Variants in DOCK3 observed in about 807,000 individuals in gnomAD.
DOCK3 encodes the protein dedicator of cytokinesis protein 3.
DOCK3 carries 60 observed loss-of-function variants against 265.6 expected under a neutral mutation model. The observed-to-expected ratio is 0.23, with a 90% CI of 0.18 to 0.28. DOCK3 has a LOEUF of 0.28. DOCK3 is among the 10% of genes least tolerant of loss of function. DOCK3 has a pLI of 1.00. For synonymous variants in DOCK3, 881 were observed against 938.0 expected, an observed-to-expected ratio of 0.94 and a Z score of 1.11; for missense variants, 1,981 against 2,594.3, an observed-to-expected ratio of 0.76 and a Z score of 5.14.
In DOCK3 at chr3:51,185,008, A is replaced by G. The variant is rs112915355; in HGVS notation, c.1038-23766A>G. ...ATCCCACCTGAAAACTCTACAAAAT[A>G]CCTGATTATTACTTCTCAAAACTGT... On this transcript the variant is annotated intron_variant, in intron 12 of 52. Transcript: ENST00000266037. Among the ~76,000 whole-genome samples the G allele has an allele frequency of 5.3e-5, 8 of 152,232 alleles. 2 individuals are homozygous for G. Among genetic ancestry groups the G allele is most frequent in the African/African-American group, 1.7e-4 (7 of 41,556 alleles).
At position 50,675,328 on chromosome 3, in the gene DOCK3, C is replaced by A; in HGVS notation, c.37+28C>A. ...AGGTGAGGCTCAGGCCTGGCCGTGG[C>A]GGGGGTTCTGGGGGACGCGCCCAGC... On this transcript the variant is annotated intron_variant, in intron 1 of 52. Coordinates refer to ENST00000266037, the MANE Select transcript of DOCK3 (RefSeq NM_004947.5). This position sits in a 1 kb window ranked among gnomAD's most constrained non-coding sequence, Gnocchi z 6.1. 1.6e-6 allele frequency: 2 copies of A among 1,236,974 alleles called. No homozygotes were observed. The highest frequency in any genetic ancestry group is 3.9e-5 in the Admixed American group (1 of 25,826). 76.6% of individuals were successfully genotyped at this position (1,236,974 alleles called of 1,614,324 possible).
chr3:51,214,100 G>A, intron 13 of DOCK3, 22 bp from the exon 14 acceptor site: 1 of 1,613,402 alleles, frequency 6.2e-7, no homozygotes, highest in Non-Finnish European at 8.5e-7. Context: ...GTGGTTCTAA[G>A]AAAATGCTTT....
intron 7 of DOCK3, among the ~76,000 whole-genome samples, chr3:51,082,649 C>T (rs1440643918): frequency 6.6e-6 from 1 of 152,172 alleles, no homozygotes; most frequent in Non-Finnish European, 1.5e-5. Flanking sequence ...TGTCCCGGGA[C>T]CTGAGGACCA....
chr3:50,905,356 A>G (rs2049429377), intron 4 of DOCK3, among the ~76,000 whole-genome samples: 2 of 152,034 alleles, frequency 1.3e-5, no homozygotes, highest in African/African-American at 4.8e-5. Context: ...CTTGGGCAGT[A>G]TGGCCATTTT....
At chr3:50,752,601 ACT>A (rs2039903086) in intron 1 of DOCK3, among the ~76,000 whole-genome samples, 1 of 151,252 alleles carries the variant, frequency 6.6e-6, no homozygotes, top group African/African-American at 2.4e-5. Context: ...ATATAGTGAA[ACT>A]CTGTCTCTAA....
At chr3:51,040,097 A>G (rs1482947531) in intron 5 of DOCK3, among the ~76,000 whole-genome samples, 1 of 151,480 alleles carries the variant, frequency 6.6e-6, no homozygotes, top group Non-Finnish European at 1.5e-5. Context: ...TCTCTATACC[A>G]CCTACTAATC....
chr3:51,092,440 G>T (rs903158058), intron 9 of DOCK3, among the ~76,000 whole-genome samples: 2 of 152,216 alleles, frequency 1.3e-5, no homozygotes, highest in Non-Finnish European at 2.9e-5. Context: ...GCTCAGTAAG[G>T]CTGCTGTGGC....
chr3:51,353,912 A>G (rs1576910933), intron 40 of DOCK3, among the ~76,000 whole-genome samples: 1 of 152,176 alleles, frequency 6.6e-6, no homozygotes, highest in Non-Finnish European at 1.5e-5. Flanking sequence ...TTTCAGGGGA[A>G]CTTCCTCCAG....
intron 2 of DOCK3, among the ~76,000 whole-genome samples, chr3:50,781,517 GC>G (rs1224252705): frequency 2.0e-5 from 3 of 151,808 alleles, no homozygotes; most frequent in Non-Finnish European, 4.4e-5. Flanking sequence ...CAAGTGATCT[GC>G]CCACCTCAGC....
intron 9 of DOCK3, among the ~76,000 whole-genome samples, chr3:51,117,905 C>T (rs571555475): frequency 2.0e-5 from 3 of 152,204 alleles, no homozygotes; most frequent in South Asian, 2.1e-4. Flanking sequence ...TTTCGAGAAA[C>T]CAGCTCCTGG....
rs777982481 is a variant in DOCK3 at position 50,933,971 on chromosome 3, C to G, written c.219-10C>G. 2 of 1,541,290 alleles carry G rather than the reference C, an allele frequency of 1.3e-6. No homozygotes were observed. The highest frequency in any genetic ancestry group is 1.8e-6 in the Non-Finnish European group (2 of 1,135,186). On this transcript the variant is annotated splice_polypyrimidine_tract_variant and intron_variant, in intron 4 of 52. Transcript: ENST00000266037. ...GATAATGTGGCTGTCTTTTGTGGCT[C>G]TGGTTCTAGGCAGTATGAAACTGTG...
At chr3:51,010,818 G>T (rs562443330) in intron 5 of DOCK3, among the ~76,000 whole-genome samples, 1 of 152,246 alleles carries the variant, frequency 6.6e-6, no homozygotes, top group Non-Finnish European at 1.5e-5. Flanking sequence ...AGGCTTGGTG[G>T]TGACAAAATC....
chr3:51,177,997 CAAA>C (rs1394261183), intron 12 of DOCK3, among the ~76,000 whole-genome samples: 4 of 51,284 alleles, frequency 7.8e-5, no homozygotes, highest in Non-Finnish European at 1.8e-4. Flanking sequence ...CTCAAAAAAA[CAAA>C]AAACAAACAA....
intron 1 of DOCK3, among the ~76,000 whole-genome samples, chr3:50,771,518 C>T (rs1418546083): frequency 2.0e-5 from 3 of 152,146 alleles, no homozygotes; most frequent in Admixed American, 2.0e-4. Context: ...TTAGTACAAC[C>T]ACTATGGAGA....
chr3:50,993,075 C>A (rs2078166721), intron 5 of DOCK3, among the ~76,000 whole-genome samples: 1 of 152,190 alleles, frequency 6.6e-6, no homozygotes, highest in African/African-American at 2.4e-5. Flanking sequence ...TCTCCTCAAT[C>A]CCTTGGGGTA....
intron 22 of DOCK3, among the ~76,000 whole-genome samples, chr3:51,250,011 C>T (rs2108628687): frequency 6.6e-6 from 1 of 152,062 alleles, no homozygotes; most frequent in South Asian, 2.1e-4. Flanking sequence ...GCTGTGTCCA[C>T]TCAGAGTTAA....
At chr3:51,011,089 T>C (rs2078931273) in intron 5 of DOCK3, among the ~76,000 whole-genome samples, 1 of 152,138 alleles carries the variant, frequency 6.6e-6, no homozygotes, top group South Asian at 2.1e-4. Flanking sequence ...AATCTGACAA[T>C]TATGTGTCTT....
chr3:50,965,561 C>A (rs181219194), intron 5 of DOCK3, among the ~76,000 whole-genome samples: 1 of 152,002 alleles, frequency 6.6e-6, no homozygotes, highest in Non-Finnish European at 1.5e-5. Flanking sequence ...CCATGAAAGA[C>A]GTAAACTACT....
At chr3:51,305,614 A>G (rs1576728804) in intron 27 of DOCK3, among the ~76,000 whole-genome samples, 1 of 151,818 alleles carries the variant, frequency 6.6e-6, no homozygotes, top group African/African-American at 2.4e-5. Flanking sequence ...TGTGCTTTAT[A>G]TAGGTCTTAT....
Sources: allele counts gnomAD v4.1 joint callset (sites outside exome capture counted in the v4.1 genomes callset), GRCh38; gene constraint gnomAD v4.1.1; non-coding constraint Gnocchi (gnomAD v3.1); transcripts MANE v1.5; gene names NCBI Gene and HGNC (gene_info 2026-07-23, HGNC 2026-07-21).